PPP1R12A: variants seen among roughly 807,000 people sequenced by gnomAD.
PPP1R12A encodes the protein protein phosphatase 1 regulatory subunit 12A.
In PPP1R12A, 19 loss-of-function variants were observed where a neutral mutation model predicts 139.6. That is an observed-to-expected ratio of 0.14 (90% CI 0.09 to 0.20). The LOEUF is 0.20. Ranked by LOEUF, PPP1R12A falls within the 10% of genes least tolerant of loss-of-function variation. PPP1R12A has a pLI of 1.00. For missense variants in PPP1R12A, 925 were observed against 1,211.5 expected (o/e 0.76, Z 3.51); for synonymous variants, 427 against 420.6 (o/e 1.02, Z -0.19).
intron 14 of PPP1R12A, among the ~76,000 whole-genome samples, chr12:79,802,396 A>ATGCAAGTTAT (rs1291609253): frequency 6.6e-6 from 1 of 152,190 alleles, no homozygotes; most frequent in African/African-American, 2.4e-5. Context: ...TACTGGCCCT[A>ATGCAAGTTAT]TGCAAGTTAT....
At chr12:79,889,572 C>A (rs1425486889) in intron 1 of PPP1R12A, among the ~76,000 whole-genome samples, 2 of 152,136 alleles carry the variant, frequency 1.3e-5, no homozygotes, top group Non-Finnish European at 2.9e-5. Context: ...TATTTTGATA[C>A]AATTCTGCAC....
intron 1 of PPP1R12A, among the ~76,000 whole-genome samples, chr12:79,884,776 A>G (rs1352505664): frequency 1.3e-5 from 2 of 152,224 alleles, no homozygotes; most frequent in Admixed American, 6.5e-5. Flanking sequence ...GGCTGTGTGA[A>G]GACAGTTTTG....
At chr12:79,797,522 G>A in intron 15 of PPP1R12A, 127 bp from the exon 16 acceptor site, 2 of 903,520 alleles carry the variant, frequency 2.2e-6, no homozygotes, top group East Asian at 5.3e-5. Context: ...AAATTGGTTT[G>A]CAAATGGAAA....
At position 79,797,315 on chromosome 12, in the gene PPP1R12A, A is replaced by G. The variant is rs1469343719; in HGVS notation, c.2172T>C (p.Asn724=). The change falls in exon 16 of 25, where the codon AAT becomes AAC. Residue 724 remains asparagine (N), a synonymous_variant. Transcript: ENST00000450142. ...CTTTTTCCTCTTTTTCTTTTTCTTC[A>G]TTTTCTTGTTCTCTGGTTCGGGTAG... ...SRSTRTREQE[N]EEKEKEEKEK... 1.3e-6 allele frequency: 2 copies of G among 1,589,728 alleles called. No individual in the cohort carries two copies. Among genetic ancestry groups the G allele is most frequent in the African/African-American group, 2.8e-5 (2 of 72,480 alleles).
At chr12:79,843,664 AGATAT>A (rs1879044641) in intron 3 of PPP1R12A, among the ~76,000 whole-genome samples, 1 of 142,778 alleles carries the variant, frequency 7.0e-6, no homozygotes, top group Non-Finnish European at 1.5e-5. Context: ...ATATAGATAT[AGATAT>A]AGATATATGG....
At chr12:79,868,395 T>C (rs1220601959) in intron 2 of PPP1R12A, among the ~76,000 whole-genome samples, 3 of 152,228 alleles carry the variant, frequency 2.0e-5, no homozygotes, top group South Asian at 2.1e-4. Context: ...CTTGATGTGA[T>C]AGTGGAAAGT....
intron 3 of PPP1R12A, 78 bp from the exon 4 acceptor site, chr12:79,832,569 G>A: frequency 1.5e-6 from 2 of 1,348,892 alleles, no homozygotes; most frequent in South Asian, 3.2e-5. Flanking sequence ...TCCAAAACAT[G>A]TCAAGTTTAA....
chr12:79,800,733 CTTTTT>C (rs34522404), intron 14 of PPP1R12A, among the ~76,000 whole-genome samples: 4 of 137,104 alleles, frequency 2.9e-5, no homozygotes, highest in Non-Finnish European at 6.3e-5. Flanking sequence ...TCAAATGCTA[CTTTTT>C]TTTTTTTTTT....
intron 19 of PPP1R12A, 129 bp from the exon 20 acceptor site, chr12:79,790,612 T>A: frequency 1.2e-5 from 7 of 578,974 alleles, no homozygotes; most frequent in Non-Finnish European, 1.7e-5. Flanking sequence ...AGGTTCTTTA[T>A]GCATAACAGT....
At chr12:79,878,776 G>A (rs1244494249) in intron 1 of PPP1R12A, among the ~76,000 whole-genome samples, 1 of 152,066 alleles carries the variant, frequency 6.6e-6, no homozygotes, top group African/African-American at 2.4e-5. Flanking sequence ...CAGCAGCATG[G>A]GGGTAACTGC....
intron 22 of PPP1R12A, among the ~76,000 whole-genome samples, chr12:79,783,784 T>G (rs1183655919): frequency 6.6e-6 from 1 of 152,198 alleles, no homozygotes; most frequent in Non-Finnish European, 1.5e-5. Flanking sequence ...GTTTGCCAAT[T>G]TCATTGATTA....
intron 3 of PPP1R12A, among the ~76,000 whole-genome samples, chr12:79,836,073 G>A (rs998667099): frequency 9.2e-5 from 14 of 152,154 alleles, no homozygotes; most frequent in African/African-American, 2.4e-4. Flanking sequence ...TCTCATTACC[G>A]CATTTGAAGG....
intron 1 of PPP1R12A, among the ~76,000 whole-genome samples, chr12:79,916,714 T>C (rs1233374611): frequency 1.3e-5 from 2 of 152,248 alleles, no homozygotes; most frequent in East Asian, 3.9e-4. Context: ...TCATTCCTCA[T>C]GAAATAAAAG....
intron 1 of PPP1R12A, among the ~76,000 whole-genome samples, chr12:79,932,514 G>C (rs962625545): frequency 6.6e-6 from 1 of 152,164 alleles, no homozygotes; most frequent in African/African-American, 2.4e-5. Flanking sequence ...ATGGAAAAGG[G>C]GAGGCGGTTG....
At position 79,804,592 on chromosome 12, in the gene PPP1R12A, T is replaced by C. The variant is rs527533141; in HGVS notation, c.2000+1000A>G. Among the ~76,000 whole-genome samples, 25 of 152,232 alleles carry C rather than the reference T, an allele frequency of 1.6e-4. 1 individual carries two copies. The highest frequency in any genetic ancestry group is 5.8e-4 in the African/African-American group (24 of 41,570). The stretch of plus-strand genomic sequence containing the variant: ...GGCAACAGAGAAAAAGAACTCTGTA[T>C]GTAAGTACTACGTGACAGAAATAAA... On this transcript the variant is annotated intron_variant, in intron 14 of 24. Coordinates refer to ENST00000450142, the MANE Select transcript of PPP1R12A (RefSeq NM_002480.3).
intron 1 of PPP1R12A, among the ~76,000 whole-genome samples, chr12:79,900,959 T>C (rs1420576121): frequency 6.6e-6 from 1 of 152,178 alleles, no homozygotes; most frequent in African/African-American, 2.4e-5. Flanking sequence ...TTCATACCAT[T>C]AAACATTTCC....
intron 2 of PPP1R12A, among the ~76,000 whole-genome samples, chr12:79,866,306 A>T (rs925982559): frequency 3.3e-5 from 5 of 152,214 alleles, no homozygotes; most frequent in African/African-American, 1.2e-4. Context: ...TTTACAACTT[A>T]TACAAAAATC....
intron 5 of PPP1R12A, among the ~76,000 whole-genome samples, chr12:79,824,242 G>T (rs1172245214): frequency 2.6e-5 from 4 of 152,100 alleles, no homozygotes; most frequent in Admixed American, 2.6e-4. Flanking sequence ...TACATAATCA[G>T]TTCTAAAATG....
chr12:79,861,993 C>T (rs1350346077), intron 2 of PPP1R12A, among the ~76,000 whole-genome samples: 9 of 152,288 alleles, frequency 5.9e-5, no homozygotes, highest in Admixed American at 6.5e-5. Flanking sequence ...TCTCTGTAAA[C>T]GGACAGACTG....
Sources: allele counts gnomAD v4.1 joint callset (sites outside exome capture counted in the v4.1 genomes callset), GRCh38; gene constraint gnomAD v4.1.1; transcripts MANE v1.5; gene names NCBI Gene and HGNC (gene_info 2026-07-23, HGNC 2026-07-21).